Variants in GLRA2 observed in about 807,000 individuals in gnomAD.
GLRA2 encodes the protein glycine receptor alpha 2, also known as glycine receptor subunit alpha-2.
In GLRA2, 11 loss-of-function variants were observed where a neutral mutation model predicts 31.6. The ratio of observed to expected loss-of-function variants is 0.35; its 90% CI spans 0.22 to 0.58. The LOEUF (loss-of-function observed/expected upper bound fraction) is 0.58, where lower values mean the gene tolerates loss of function less well. GLRA2 is among the 20% of genes least tolerant of loss of function. The pLI, the probability that GLRA2 is intolerant of heterozygous loss-of-function variation, is 0.84. For synonymous variants in GLRA2, 132 were observed against 134.0 expected (o/e 0.99, Z 0.10); for missense variants, 212 against 351.8 (o/e 0.60, Z 3.18).
chrX:14,660,350 G>A (rs2090979749), intron 7 of GLRA2, among the ~76,000 whole-genome samples: 1 of 111,680 alleles, frequency 9.0e-6, no homozygotes, highest in Non-Finnish European at 1.9e-5. Flanking sequence ...AAGCAACAAA[G>A]AGGACAGTGT....
chrX:14,712,040 A>AGCT (rs2091718602), intron 8 of GLRA2, among the ~76,000 whole-genome samples: 1 of 113,038 alleles, frequency 8.8e-6, no homozygotes, highest in East Asian at 2.8e-4. Flanking sequence ...TTGTCATGTT[A>AGCT]TTATAGAAAA....
At chrX:14,706,641 G>C (rs2091627161) in intron 8 of GLRA2, among the ~76,000 whole-genome samples, 1 of 111,222 alleles carries the variant, frequency 9.0e-6, no homozygotes, top group African/African-American at 3.3e-5. Flanking sequence ...AGCCAAATGG[G>C]AACCCCATGA....
rs1037713454 is a variant in GLRA2 at position 14,613,727 on chromosome X, G to A, written c.930+4522G>A. On this transcript the variant is annotated intron_variant, in intron 7 of 8. Transcript: ENST00000218075. ...ACTATGTACATATGCACAAATACACGTGTGTGTTTTTTTTACAGATAGTTG... is the reference window on the plus strand; with the variant it reads ...ACTATGTACATATGCACAAATACACATGTGTGTTTTTTTTACAGATAGTTG... Among the ~76,000 whole-genome samples, 11 of 111,027 alleles carry A rather than the reference G, an allele frequency of 9.9e-5. No individual in the cohort carries two copies. The East Asian group carries it at 1.1e-3, about 12-fold the overall frequency.
intron 2 of GLRA2, among the ~76,000 whole-genome samples, chrX:14,543,236 CAAAAAA>C (rs60906048): frequency 4.3e-5 from 1 of 23,378 alleles, no homozygotes; most frequent in African/African-American, 1.6e-4. Context: ...TTGTCATCTG[CAAAAAA>C]AAAAAAAAAA....
At chrX:14,583,123 T>C (rs935092528) in intron 4 of GLRA2, among the ~76,000 whole-genome samples, 13 of 111,179 alleles carry the variant, frequency 1.2e-4, no homozygotes, top group African/African-American at 4.2e-4. Context: ...TGAGACACCA[T>C]CTCACACCAG....
intron 7 of GLRA2, among the ~76,000 whole-genome samples, chrX:14,684,430 T>C (rs1222062432): frequency 8.9e-6 from 1 of 111,949 alleles, no homozygotes; most frequent in Non-Finnish European, 1.9e-5. Context: ...TTCAGGATAT[T>C]GATTCTTCCT....
At chrX:14,722,002 G>C (rs898963203) in intron 8 of GLRA2, among the ~76,000 whole-genome samples, 1 of 111,726 alleles carries the variant, frequency 9.0e-6, no homozygotes, top group Non-Finnish European at 1.9e-5. Context: ...CCTCCTTGAG[G>C]GCCTTCCAGC....
At chrX:14,523,636 A>G in the GLRA2 span, among the ~76,000 whole-genome samples, 1 of 111,487 alleles carries the variant, frequency 9.0e-6, no homozygotes, top group African/African-American at 3.3e-5. Flanking sequence ...TTGTAGGGTT[A>G]TTAGTTGTCC....
chrX:14,595,712 G>C (rs183014862), intron 4 of GLRA2, among the ~76,000 whole-genome samples: 2 of 111,296 alleles, frequency 1.8e-5, no homozygotes, highest in South Asian at 3.8e-4. Context: ...TGCTCTACCC[G>C]ATCACTGTGA....
At chrX:14,629,205 T>C (rs897225687) in intron 7 of GLRA2, among the ~76,000 whole-genome samples, 1 of 111,014 alleles carries the variant, frequency 9.0e-6, no homozygotes, top group African/African-American at 3.3e-5. Context: ...TTGGAAGGAA[T>C]TGGGGCTTTG....
At chrX:14,454,188 CCACACACA>C in the GLRA2 span, among the ~76,000 whole-genome samples, 35,297 of 100,639 alleles carry the variant, frequency 0.35, 5,841 homozygotes, top group East Asian at 0.62. Context: ...ACCCACACAC[CCACACACA>C]CACACACACA....
chrX:14,544,188 T>C (rs754279999), intron 2 of GLRA2, among the ~76,000 whole-genome samples: 27 of 111,915 alleles, frequency 2.4e-4, no homozygotes, highest in Admixed American at 1.7e-3. Flanking sequence ...TCTACATGAA[T>C]AAATAAACAA....
At chrX:14,580,797 A>G (rs1256451303) in intron 3 of GLRA2, among the ~76,000 whole-genome samples, 2 of 111,890 alleles carry the variant, frequency 1.8e-5, no homozygotes, top group Non-Finnish European at 3.8e-5. Context: ...ATCAGAGATC[A>G]TGTGATTTCT....
chrX:14,597,435 T>C lies in GLRA2; in HGVS notation c.495-6880T>C, dbSNP rs959522661. On this transcript the variant is annotated intron_variant, in intron 4 of 8. Transcript: ENST00000218075. ...GGTTGCCTTCACTTATAGTTTATAA[T>C]CACAGAGATGTTGAGCAGGATGGGG... Among the ~76,000 whole-genome samples, 8 of 112,174 alleles carry C rather than the reference T, an allele frequency of 7.1e-5. No individual in the cohort carries two copies. The East Asian group carries it at 2.0e-3, about 28-fold the overall frequency.
chrX:14,543,204 T>C (rs1258610820), intron 2 of GLRA2, among the ~76,000 whole-genome samples: 6 of 94,354 alleles, frequency 6.4e-5, no homozygotes, highest in Non-Finnish European at 1.2e-4. Flanking sequence ...AGCATGCCAC[T>C]TAACCTCTTT....
chrX:14,720,138 A>ATAGCACT (rs2091846242), intron 8 of GLRA2, among the ~76,000 whole-genome samples: 1 of 111,401 alleles, frequency 9.0e-6, no homozygotes, highest in African/African-American at 3.3e-5. Flanking sequence ...CACTACAGTA[A>ATAGCACT]ACAATAATTT....
the GLRA2 span, among the ~76,000 whole-genome samples, chrX:14,462,666 C>T: frequency 4.8e-4 from 53 of 111,497 alleles, no homozygotes; most frequent in East Asian, 2.0e-3. Context: ...GTATGCTTCA[C>T]GAAGTTCTCA....
At chrX:14,690,657 CTT>C in intron 7 of GLRA2, 51 bp from the exon 8 acceptor site, 4 of 883,893 alleles carry the variant, frequency 4.5e-6, no homozygotes, top group Non-Finnish European at 6.6e-6. Context: ...CATAGTCTTT[CTT>C]TCTCTCTCTC....
chrX:14,664,049 C>T (rs1476421266), intron 7 of GLRA2, among the ~76,000 whole-genome samples: 1 of 111,298 alleles, frequency 9.0e-6, no homozygotes, highest in Non-Finnish European at 1.9e-5. Flanking sequence ...TCTTTTTTAA[C>T]TCATTAACTC....
Sources: gnomAD v4.1 joint callset for allele counts (sites outside exome capture counted in the v4.1 genomes callset) on GRCh38, gnomAD v4.1.1 for gene constraint, MANE v1.5 for transcripts, NCBI Gene and HGNC (gene_info 2026-07-23, HGNC 2026-07-21) for gene names.